The following FUBP3 variants were observed in gnomAD, a reference collection of about 807,000 sequenced individuals.
FUBP3 encodes the protein far upstream element-binding protein 3.
A neutral mutation model predicts 85.6 loss-of-function variants in FUBP3; 28 were observed. The observed-to-expected ratio is 0.33, with a 90% CI of 0.24 to 0.45. The LOEUF is 0.45. Ranked by LOEUF, FUBP3 falls within the 20% of genes least tolerant of loss-of-function variation. The probability of loss-of-function intolerance (pLI) is 1.00; values close to 1 mark genes in which losing one functional copy is unlikely to be tolerated. For missense variants in FUBP3, 583 were observed against 755.1 expected (o/e 0.77, Z 2.67); for synonymous variants, 271 against 271.4 (o/e 1.00, Z 0.01).
rs144587737 is a variant in FUBP3, at chr9:130,612,363, A to G, written c.225-93A>G. 107 of 750,072 alleles carry G rather than the reference A, an allele frequency of 1.4e-4. No individual in the cohort carries two copies. The African/African-American group carries it at 1.8e-3, about 12-fold the overall frequency. The allele number at this position is 750,072 out of a possible 1,614,324, so 46.5% of individuals were successfully genotyped here. ...GCCTGATGTATTTTAAGCTTTTATC[A>G]TGCAACATTGCCAGTATGGGCAGTT... On this transcript the variant is annotated intron_variant, in intron 3 of 18. Transcript: ENST00000319725. The surrounding 1 kb of genome is among the most constrained non-coding windows in gnomAD (Gnocchi z 4.1).
At chr9:130,620,832 A>G (rs1055706848) in intron 9 of FUBP3, among the ~76,000 whole-genome samples, 4 of 152,214 alleles carry the variant, frequency 2.6e-5, no homozygotes, top group African/African-American at 9.6e-5. Context: ...AGAGAATGAA[A>G]TTTTGTTGTA....
chr9:130,637,770 CAAAA>C lies in FUBP3; in HGVS notation c.*751_*754del, dbSNP rs908393859. The C allele has an allele frequency of 4.6e-5, 7 of 152,296 alleles. No individual in the cohort carries two copies. The highest frequency in any genetic ancestry group is 1.7e-4 in the African/African-American group (7 of 41,410). 9.4% of individuals were successfully genotyped at this position (152,296 alleles called of 1,614,324 possible). A position where few individuals can be genotyped will look rare whatever the true frequency, so the allele number is the denominator to read the frequency against. On this transcript the variant is annotated 3_prime_UTR_variant, in exon 19 of 19. Transcript: ENST00000319725. ...CTCCAAGCTTGTTTTTAAAACAAAA[CAAAA>C]AACCTTTCTCTATTATCTCAGAAAT...
At chr9:130,636,205 C>T (rs1350651397) in intron 18 of FUBP3, 79 bp downstream of exon 18, 1 of 1,434,400 alleles carries the variant, frequency 7.0e-7, no homozygotes, top group Admixed American at 1.7e-5. Context: ...TTTCCTGACC[C>T]CAGGATGAGA....
chr9:130,596,379 GTAT>G (rs1379273848), intron 2 of FUBP3, among the ~76,000 whole-genome samples: 1 of 152,034 alleles, frequency 6.6e-6, no homozygotes, highest in Non-Finnish European at 1.5e-5. Flanking sequence ...TTTCTGTGAT[GTAT>G]TATTATGTGA....
Position 130,635,464 on chromosome 9 carries a change from C to T in FUBP3, c.1583-535C>T, listed in dbSNP as rs113859614. Reference sequence around the variant, plus strand: ...TTGAAGGCTACCAGAGAAGTGGTCCCCCTGGTGTTGGCATCATCGCCAGGT... The same window carrying T: ...TTGAAGGCTACCAGAGAAGTGGTCCTCCTGGTGTTGGCATCATCGCCAGGT... On this transcript the variant is annotated intron_variant, in intron 17 of 18. Coordinates refer to ENST00000319725, the MANE Select transcript of FUBP3 (RefSeq NM_003934.2). The surrounding 1 kb of genome is among the most constrained non-coding windows in gnomAD (Gnocchi z 4.3). 6.6e-4 allele frequency among the ~76,000 whole-genome samples: 100 copies of T among 152,234 alleles called. 2 individuals are homozygous for T. The highest frequency in any genetic ancestry group is 2.4e-3 in the African/African-American group (100 of 41,526).
intron 12 of FUBP3, among the ~76,000 whole-genome samples, chr9:130,628,090 GCA>G (rs1460599671): frequency 4.7e-5 from 6 of 126,396 alleles, no homozygotes; most frequent in Non-Finnish European, 3.3e-5. Context: ...ACACACGCAC[GCA>G]CGCACGCACG....
chr9:130,587,670 A>G (rs1830412652), intron 1 of FUBP3, among the ~76,000 whole-genome samples: 1 of 152,002 alleles, frequency 6.6e-6, no homozygotes, highest in South Asian at 2.1e-4. Flanking sequence ...ACTTTGAACC[A>G]CTCCCTAGAA....
intron 3 of FUBP3, among the ~76,000 whole-genome samples, chr9:130,611,772 G>A (rs1359864862): frequency 6.7e-6 from 1 of 149,702 alleles, no homozygotes; most frequent in African/African-American, 2.5e-5. Context: ...CAGATTTGAA[G>A]GTTTGTTGAA....
chr9:130,589,918 T>A (rs1007391337), intron 1 of FUBP3, among the ~76,000 whole-genome samples: 5 of 149,914 alleles, frequency 3.3e-5, no homozygotes, highest in Non-Finnish European at 5.9e-5. Flanking sequence ...AGCCTCACTA[T>A]GTTGCCCAGG....
chr9:130,608,418 T>C (rs1831572527), intron 2 of FUBP3, among the ~76,000 whole-genome samples: 1 of 152,184 alleles, frequency 6.6e-6, no homozygotes, highest in African/African-American at 2.4e-5. Flanking sequence ...ACATTCTCCT[T>C]TGGTGTGTTT....
chr9:130,637,721 C>G lies in FUBP3; in HGVS notation c.*699C>G, dbSNP rs1830465141. The G allele has an allele frequency of 6.6e-6, 1 of 152,326 alleles. No individual in the cohort carries two copies. Among genetic ancestry groups the G allele is most frequent in the Non-Finnish European group, 1.5e-5 (1 of 68,026 alleles). 9.4% of individuals were successfully genotyped at this position (152,326 alleles called of 1,614,324 possible). A position where few individuals can be genotyped will look rare whatever the true frequency, so the allele number is the denominator to read the frequency against. ...TACGTTTTTCTCATGCCTCCATTAC[C>G]AGTTGCAATTGTGTATCTAAGACCT... On this transcript the variant is annotated 3_prime_UTR_variant, in exon 19 of 19. Transcript: ENST00000319725.
At chr9:130,586,342 C>T (rs957737069) in intron 1 of FUBP3, among the ~76,000 whole-genome samples, 8 of 152,174 alleles carry the variant, frequency 5.3e-5, no homozygotes, top group African/African-American at 1.4e-4. Flanking sequence ...TATCTTATTG[C>T]GGAATTCAGT....
chr9:130,608,001 C>T (rs190322501), intron 2 of FUBP3, among the ~76,000 whole-genome samples: 2 of 152,340 alleles, frequency 1.3e-5, no homozygotes, highest in East Asian at 1.9e-4. Context: ...CATACTTTGC[C>T]AACAAAAAGG....
At chr9:130,584,477 G>A (rs928991734) in intron 1 of FUBP3, among the ~76,000 whole-genome samples, 10 of 152,104 alleles carry the variant, frequency 6.6e-5, no homozygotes, top group Admixed American at 2.0e-4. Context: ...GCAGTGAGCC[G>A]AGATCGTGCC....
chr9:130,594,939 A>C (rs1186904953), intron 1 of FUBP3, among the ~76,000 whole-genome samples: 2 of 149,166 alleles, frequency 1.3e-5, no homozygotes, highest in Non-Finnish European at 3.0e-5. Context: ...AAAAATACTA[A>C]TTTGCGGCCG....
chr9:130,626,843 C>G (rs1042827205), intron 12 of FUBP3, among the ~76,000 whole-genome samples: 1 of 152,198 alleles, frequency 6.6e-6, no homozygotes, highest in Non-Finnish European at 1.5e-5. Flanking sequence ...AATTAACTCA[C>G]CTCCAAGGAA....
At chr9:130,609,906 A>G in intron 2 of FUBP3, 48 bp from the exon 3 acceptor site, 1 of 1,447,660 alleles carries the variant, frequency 6.9e-7, no homozygotes, top group Middle Eastern at 1.7e-4. Flanking sequence ...AAGTTAGTTT[A>G]TCCGTGCTAA....
chr9:130,600,973 A>G (rs1402243255), intron 2 of FUBP3, among the ~76,000 whole-genome samples: 1 of 152,106 alleles, frequency 6.6e-6, no homozygotes, highest in Non-Finnish European at 1.5e-5. Flanking sequence ...ATCTCAGAAC[A>G]AACAAAAATA....
At chr9:130,618,031 T>A in intron 8 of FUBP3, 136 bp downstream of exon 8, 1 of 549,896 alleles carries the variant, frequency 1.8e-6, no homozygotes, top group East Asian at 3.1e-5. Flanking sequence ...CTCAACAAAG[T>A]TTGGTGATGA....
Sources: allele counts gnomAD v4.1 joint callset (sites outside exome capture counted in the v4.1 genomes callset), GRCh38; gene constraint gnomAD v4.1.1; non-coding constraint Gnocchi (gnomAD v3.1); transcripts MANE v1.5; gene names NCBI Gene and HGNC (gene_info 2026-07-23, HGNC 2026-07-21).